The following PDK2 variants were observed in gnomAD, a reference collection of about 807,000 sequenced individuals.
PDK2 encodes the protein pyruvate dehydrogenase kinase, isozyme 2.
A neutral mutation model predicts 50.4 loss-of-function variants in PDK2; 34 were observed. The ratio of observed to expected loss-of-function variants is 0.68; its 90% CI spans 0.51 to 0.90. The LOEUF (loss-of-function observed/expected upper bound fraction) is 0.90, where lower values mean the gene tolerates loss of function less well. PDK2 is among the 40% of genes least tolerant of loss of function. The pLI is 0.00. For missense variants in PDK2, 377 were observed against 544.5 expected (o/e 0.69, Z 3.06); for synonymous variants, 232 against 216.0 (o/e 1.07, Z -0.65).
chr17:50,110,029 C>A lies in PDK2; in HGVS notation c.1156C>A (p.Gln386Lys). Residue 386 changes from glutamine to lysine, a missense_variant, in exon 11 of 11, where the codon CAG becomes AAG. Around this residue, in one of 3 missense-constraint regions of PDK2, gnomAD observed 214 missense variants for 294.0 expected, o/e 0.73. Transcript: ENST00000503176. ...KSAWRHYQTI[Q>K]EAGDWCVPST... is the part of the protein sequence containing the mutation. ...AGCCTGGCGCCACTACCAGACCATC[C>A]AGGAGGCCGGCGACTGGTGTGTGCC... is the stretch of plus-strand genomic sequence containing the variant. 1 of 1,609,698 alleles carries A rather than the reference C, an allele frequency of 6.2e-7. No homozygotes were observed. Among genetic ancestry groups the A allele is most frequent in the Non-Finnish European group, 8.5e-7 (1 of 1,178,308 alleles).
intron 9 of PDK2, among the ~76,000 whole-genome samples, 160 bp downstream of exon 9, chr17:50,108,879 A>G (rs1318541215): frequency 1.3e-5 from 2 of 151,956 alleles, no homozygotes; most frequent in African/African-American, 4.8e-5. Flanking sequence ...CCCAGTCTGC[A>G]CAGATCTCAC....
chr17:50,095,629 C>G (rs1909894490), intron 1 of PDK2, 76 bp downstream of exon 1: 1 of 1,499,692 alleles, frequency 6.7e-7, no homozygotes, highest in Non-Finnish European at 9.0e-7. Context: ...GCTAGGGGGA[C>G]GGAGGAGAAG....
chr17:50,097,658 G>A, intron 2 of PDK2, 94 bp downstream of exon 2: 1 of 1,462,390 alleles, frequency 6.8e-7, no homozygotes, highest in Admixed American at 1.8e-5. Flanking sequence ...CAGCTTTGAG[G>A]GTGGGGTGGG....
Position 50,110,010 on chromosome 17 carries a change from G to A in PDK2, c.1137G>A (p.Trp379Ter), listed in dbSNP as rs765156063. 1 of 1,602,564 alleles carries A rather than the reference G, an allele frequency of 6.2e-7. No individual in the cohort carries two copies. The highest frequency in any genetic ancestry group is 1.1e-5 in the South Asian group (1 of 88,808). ...ERLPVYNKSA[W>*]RHYQTIQEAG... The stretch of plus-strand genomic sequence containing the variant: ...TGCCTGTCTACAACAAGTCAGCCTG[G>A]CGCCACTACCAGACCATCCAGGAGG... The change falls in exon 11 of 11, where the codon TGG becomes TGA. Residue 379 changes from tryptophan (W) to a stop codon, truncating the protein, a stop_gained. Transcript: ENST00000503176. LOFTEE classifies it high-confidence loss of function.
chr17:50,106,267 C>T, intron 4 of PDK2, 198 bp downstream of exon 4: 2 of 1,393,040 alleles, frequency 1.4e-6, no homozygotes, highest in Non-Finnish European at 1.9e-6. Context: ...TTTTCCATTT[C>T]AAAACGTTTT....
At position 50,106,306 on chromosome 17, in the gene PDK2, A is replaced by G. The variant is rs1023053057; in HGVS notation, c.517+237A>G. ...TTCAGTGTTTGCAAAATGTAAAATT[A>G]TGTCACATCTTTAAAAGAATGTTTA... On this transcript the variant is annotated intron_variant, in intron 4 of 10. Transcript: ENST00000503176. The G allele has an allele frequency of 1.5e-5, 16 of 1,033,396 alleles. No individual in the cohort carries two copies. In the African/African-American group the frequency reaches 2.6e-4, roughly 17 times the overall value. The allele number at this position is 1,033,396 out of a possible 1,614,324, so 64.0% of individuals were successfully genotyped here. A position where few individuals can be genotyped will look rare whatever the true frequency, so the allele number is the denominator to read the frequency against.
chr17:50,103,560 T>A (rs957520530), intron 2 of PDK2, among the ~76,000 whole-genome samples: 1 of 152,078 alleles, frequency 6.6e-6, no homozygotes, highest in Admixed American at 6.6e-5. Context: ...GATATAACAA[T>A]CCCCATTTTC....
At position 50,109,958 on chromosome 17, in the gene PDK2, C is replaced by T; in HGVS notation, c.1085C>T (p.Ala362Val). 6.4e-7 allele frequency: 1 copy of T among 1,559,388 alleles called. No homozygotes were observed. Among genetic ancestry groups the T allele is most frequent in the Non-Finnish European group, 8.7e-7 (1 of 1,150,494 alleles). ...GGGGCTGACCCTGACACTCCCCAGGCCCTGTCCACGGACTCGGTGGAGCGC... is the reference window on the plus strand; with the variant it reads ...GGGGCTGACCCTGACACTCCCCAGGTCCTGTCCACGGACTCGGTGGAGCGC... Reference protein sequence around the residue: ...FGTDAVIYLKALSTDSVERLP... With the variant: ...FGTDAVIYLKVLSTDSVERLP... The change falls in exon 11 of 11, where the codon GCC (alanine) becomes GTC (valine). Residue 362 changes from alanine (A) to valine (V), a missense_variant and splice_region_variant. By Grantham distance (64) the Ala-to-Val change is moderately conservative (BLOSUM62 0). Coordinates refer to ENST00000503176, the MANE Select transcript of PDK2 (RefSeq NM_002611.5). The surrounding 1 kb of genome is among the most constrained non-coding windows in gnomAD (Gnocchi z 5.0).
At position 50,109,355 on chromosome 17, in the gene PDK2, C is replaced by T. The variant is rs1910699297; in HGVS notation, c.1038C>T (p.Leu346=). ...AGTACTTCCAGGGAGACCTGCAGCT[C>T]TTCTCCATGGAAGGCTTTGGGACCG... is the stretch of plus-strand genomic sequence containing the variant. ...YAKYFQGDLQ[L]FSMEGFGTDA... is the part of the protein sequence containing the mutation. Residue 346 remains leucine, a synonymous_variant, in exon 10 of 11, where the codon CTC becomes CTT. Coordinates refer to ENST00000503176, the MANE Select transcript of PDK2 (RefSeq NM_002611.5). The surrounding 1 kb of genome is among the most constrained non-coding windows in gnomAD (Gnocchi z 5.0). 3 of 1,613,814 alleles carry T rather than the reference C, an allele frequency of 1.9e-6. No homozygotes were observed. In the East Asian group the frequency reaches 6.7e-5, roughly 36 times the overall value.
rs1191487330 is a variant in PDK2 at position 50,109,261 on chromosome 17, C to G, written c.970-26C>G. On this transcript the variant is annotated intron_variant, in intron 9 of 10. Coordinates refer to ENST00000503176, the MANE Select transcript of PDK2 (RefSeq NM_002611.5). This position sits in a 1 kb window ranked among gnomAD's most constrained non-coding sequence, Gnocchi z 5.0. Reference sequence around the variant, plus strand: ...GGAGGCCCCTGCCAGCCTCCTCATCCTCACTGCCTTCCTGCCCCGCTGCAG... The same window carrying G: ...GGAGGCCCCTGCCAGCCTCCTCATCGTCACTGCCTTCCTGCCCCGCTGCAG... 5 of 1,521,264 alleles carry G rather than the reference C, an allele frequency of 3.3e-6. No homozygotes were observed. The Admixed American group carries it at 8.4e-5, about 26-fold the overall frequency. The allele number at this position is 1,521,264 out of a possible 1,614,324, so 94.2% of individuals were successfully genotyped here.
rs1290076910 is a variant in PDK2, at chr17:50,095,506, G to A, written c.71G>A (p.Ser24Asn). ...GCGCCCAAGTACATAGAGCACTTCA[G>A]CAAGTTCTCCCCGTCCCCGCTGTCC... ...AGAPKYIEHF[S>N]KFSPSPLSMK... The change falls in exon 1 of 11, where the codon AGC (serine) becomes AAC (asparagine). Residue 24 changes from serine (S) to asparagine (N), a missense_variant. Ser to Asn is a conservative substitution (Grantham distance 46). Around this residue, in one of 3 missense-constraint regions of PDK2, gnomAD observed 100 missense variants for 115.5 expected, o/e 0.87. Transcript: ENST00000503176. The A allele has an allele frequency of 6.2e-7, 1 of 1,607,142 alleles. No homozygotes were observed. The highest frequency in any genetic ancestry group is 8.5e-7 in the Non-Finnish European group (1 of 1,177,028).
At chr17:50,104,169 A>G (rs529991304) in intron 2 of PDK2, among the ~76,000 whole-genome samples, 89 of 152,310 alleles carry the variant, frequency 5.8e-4, no homozygotes, top group African/African-American at 2.1e-3. Flanking sequence ...CACGGGGCAC[A>G]GTGGCTCCAG....
At chr17:50,096,210 A>G (rs928307726) in intron 1 of PDK2, 1 of 985,370 alleles carries the variant, frequency 1.0e-6, no homozygotes, top group Admixed American at 6.1e-5. Flanking sequence ...GCCTCTCCCC[A>G]GCTGGGCAGG....
At position 50,105,904 on chromosome 17, in the gene PDK2, A is replaced by G; in HGVS notation, c.352A>G (p.Thr118Ala). The change falls in exon 4 of 11, where the codon ACC (threonine) becomes GCC (alanine). Residue 118 changes from threonine (T) to alanine (A), a missense_variant. Physicochemically the swap from Thr to Ala is moderately conservative, Grantham distance 58 (BLOSUM62 0). This residue lies in a region of PDK2 where 63 missense variants were observed against 135.1 expected (regional missense o/e 0.47). Coordinates refer to ENST00000503176, the MANE Select transcript of PDK2 (RefSeq NM_002611.5). ...TLSQFTDALVTIRNRHNDVVP... is the reference protein window; with the variant it reads ...TLSQFTDALVAIRNRHNDVVP... ...CCACAGGTTCACTGACGCCCTGGTC[A>G]CCATCCGGAACCGGCACAACGACGT... is the stretch of plus-strand genomic sequence containing the variant. 1 of 1,613,570 alleles carries G rather than the reference A, an allele frequency of 6.2e-7. No individual in the cohort carries two copies. Among genetic ancestry groups the G allele is most frequent in the Non-Finnish European group, 8.5e-7 (1 of 1,179,772 alleles).
chr17:50,110,950 G>GC lies in PDK2; in HGVS notation c.*858dup, dbSNP rs1427820517. On this transcript the variant is annotated 3_prime_UTR_variant, in exon 11 of 11. Transcript: ENST00000503176. ...TATAGTTAGTTTTATAACCCTGAAT[G>GC]CCCCCACCCTTCCCCTAAGCACACA... The GC allele has an allele frequency of 6.6e-6, 1 of 152,318 alleles. No homozygotes were observed. Among genetic ancestry groups the GC allele is most frequent in the East Asian group, 1.9e-4 (1 of 5,188 alleles). 9.4% of individuals were successfully genotyped at this position (152,318 alleles called of 1,614,324 possible). A position where few individuals can be genotyped will look rare whatever the true frequency, so the allele number is the denominator to read the frequency against.
chr17:50,109,872 C>A lies in PDK2; in HGVS notation c.1084-85C>A, dbSNP rs1910733839. On this transcript the variant is annotated intron_variant, in intron 10 of 10. Transcript: ENST00000503176. The surrounding 1 kb of genome is among the most constrained non-coding windows in gnomAD (Gnocchi z 5.0). ...CAGGCCCCCGTGTCTGGCAGCTGGGCTGCCGCTGAGCTGGGGTGGGGTGGT... is the reference window on the plus strand; with the variant it reads ...CAGGCCCCCGTGTCTGGCAGCTGGGATGCCGCTGAGCTGGGGTGGGGTGGT... The A allele has an allele frequency of 3.6e-6, 5 of 1,373,264 alleles. No individual in the cohort carries two copies. Among genetic ancestry groups the A allele is most frequent in the Non-Finnish European group, 4.8e-6 (5 of 1,042,462 alleles). 85.1% of individuals were successfully genotyped at this position (1,373,264 alleles called of 1,614,324 possible). A position where few individuals can be genotyped will look rare whatever the true frequency, so the allele number is the denominator to read the frequency against.
At chr17:50,097,980 T>C (rs1039458636) in intron 2 of PDK2, among the ~76,000 whole-genome samples, 9 of 152,194 alleles carry the variant, frequency 5.9e-5, no homozygotes, top group African/African-American at 2.2e-4. Context: ...ATACATTATA[T>C]AACCCAAGCT....
chr17:50,106,356 T>A, intron 4 of PDK2: 1 of 691,736 alleles, frequency 1.4e-6, no homozygotes, highest in Middle Eastern at 4.5e-4. Context: ...AAAACTCTCA[T>A]TATGTTCAAA....
intron 2 of PDK2, among the ~76,000 whole-genome samples, chr17:50,103,378 C>T (rs1910334541): frequency 1.3e-5 from 2 of 152,292 alleles, no homozygotes; most frequent in East Asian, 1.9e-4. Context: ...TCAGAGCCTA[C>T]AAGCAGTGGG....
Sources: allele counts gnomAD v4.1 joint callset (sites outside exome capture counted in the v4.1 genomes callset), GRCh38; gene constraint gnomAD v4.1.1; regional missense constraint gnomAD v4.1.1; non-coding constraint Gnocchi (gnomAD v3.1); transcripts MANE v1.5; gene names NCBI Gene and HGNC (gene_info 2026-07-23, HGNC 2026-07-21).